TMEM232: variants seen among roughly 807,000 people sequenced by gnomAD.
TMEM232 encodes the protein transmembrane protein 232.
In TMEM232, 80 loss-of-function variants were observed where a neutral mutation model predicts 78.8. That is an observed-to-expected ratio of 1.01 (90% confidence interval 0.85 to 1.22). The LOEUF (loss-of-function observed/expected upper bound fraction) is 1.22, where lower values mean the gene tolerates loss of function less well. Among genes scored for constraint, TMEM232 ranks in the 50% most tolerant of loss-of-function variants. The pLI, the probability that TMEM232 is intolerant of heterozygous loss-of-function variation, is 0.00. For missense variants in TMEM232, 881 were observed against 742.2 expected, an observed-to-expected ratio of 1.19 and a Z score of -2.17; for synonymous variants, 297 against 254.3, an observed-to-expected ratio of 1.17 and a Z score of -1.60.
chr5:110,567,630 G>A (rs1490599895), intron 11 of TMEM232, among the ~76,000 whole-genome samples: 1 of 151,900 alleles, frequency 6.6e-6, no homozygotes, highest in African/African-American at 2.4e-5. Flanking sequence ...AGTCAAGCAG[G>A]CTGAGAGGAG....
chr5:110,695,395 A>T (rs1388274249), intron 1 of TMEM232, among the ~76,000 whole-genome samples: 4 of 152,248 alleles, frequency 2.6e-5, no homozygotes, highest in Non-Finnish European at 5.9e-5. Flanking sequence ...TAAAAGAACT[A>T]GAGGAGCAAG....
chr5:110,693,396 C>G (rs1248738122), intron 1 of TMEM232, among the ~76,000 whole-genome samples: 1 of 152,148 alleles, frequency 6.6e-6, no homozygotes, highest in Non-Finnish European at 1.5e-5. Flanking sequence ...AATCAGAGTG[C>G]CTCTCCTCCT....
At chr5:110,525,837 G>A (rs181031544) in intron 12 of TMEM232, among the ~76,000 whole-genome samples, 49 of 150,892 alleles carry the variant, frequency 3.2e-4, no homozygotes, top group African/African-American at 1.1e-3. Flanking sequence ...TAGGCTTATG[G>A]TTAGAATAGC....
chr5:110,714,659 T>C (rs886760737), intron 1 of TMEM232, among the ~76,000 whole-genome samples: 2 of 152,190 alleles, frequency 1.3e-5, no homozygotes, highest in African/African-American at 4.8e-5. Context: ...TTTTGACCAG[T>C]TTATATTTAG....
At chr5:110,390,140 C>T (rs1442377138) in intron 4 of TMEM232, among the ~76,000 whole-genome samples, 1 of 152,186 alleles carries the variant, frequency 6.6e-6, no homozygotes, top group Non-Finnish European at 1.5e-5. Context: ...CTAAACCACC[C>T]TCTTTCCCTC....
At chr5:110,610,230 A>AGGG (rs1561380927) in intron 8 of TMEM232, among the ~76,000 whole-genome samples, 1 of 6,058 alleles carries the variant, frequency 1.7e-4, no homozygotes, top group Admixed American at 2.8e-3. Context: ...GAGGGAGGGA[A>AGGG]AAAGAAAGGA....
intron 1 of TMEM232, among the ~76,000 whole-genome samples, chr5:110,690,973 G>A (rs907700833): frequency 1.6e-4 from 25 of 151,938 alleles, no homozygotes; most frequent in Non-Finnish European, 3.1e-4. Flanking sequence ...AGGGACTGTT[G>A]GGGGTGTGGG....
At chr5:110,430,022 T>C (rs1469599758) in intron 12 of TMEM232, 1 of 151,686 alleles carries the variant, frequency 6.6e-6, no homozygotes, top group East Asian at 1.9e-4. Flanking sequence ...CATGGAGCCT[T>C]GATTTCTTTT....
intron 1 of TMEM232, among the ~76,000 whole-genome samples, chr5:110,686,319 A>G (rs1314225456): frequency 6.6e-6 from 1 of 152,020 alleles, no homozygotes; most frequent in East Asian, 1.9e-4. Flanking sequence ...CCACCATGCT[A>G]TGAGAAGGCA....
upstream of TMEM232, chr5:110,738,386 T>C (rs573839165): frequency 3.7e-6 from 2 of 538,178 alleles, no homozygotes; most frequent in African/African-American, 4.2e-5. Flanking sequence ...ATAGTTTCTT[T>C]ACAGCCTTAG....
At chr5:110,485,249 G>C (rs552747826) in intron 12 of TMEM232, among the ~76,000 whole-genome samples, 1 of 152,068 alleles carries the variant, frequency 6.6e-6, no homozygotes, top group Non-Finnish European at 1.5e-5. Flanking sequence ...CCTACTAGGC[G>C]TAAGTAACAA....
At chr5:110,493,189 A>T (rs892896349) in intron 12 of TMEM232, among the ~76,000 whole-genome samples, 1 of 151,986 alleles carries the variant, frequency 6.6e-6, no homozygotes, top group African/African-American at 2.4e-5. Flanking sequence ...ATTTATTTTG[A>T]AATTTATAAT....
intron 12 of TMEM232, among the ~76,000 whole-genome samples, chr5:110,524,499 G>A (rs1303926618): frequency 6.6e-6 from 1 of 152,110 alleles, no homozygotes; most frequent in Non-Finnish European, 1.5e-5. Flanking sequence ...GAATGTTTTT[G>A]ATTGGAAGAT....
At chr5:110,429,664 T>C (rs937823677) in intron 12 of TMEM232, among the ~76,000 whole-genome samples, 3 of 151,778 alleles carry the variant, frequency 2.0e-5, no homozygotes, top group African/African-American at 7.2e-5. Flanking sequence ...GGGGAAGATA[T>C]TTTATCAATT....
At chr5:110,446,707 A>C (rs1759685584) in intron 12 of TMEM232, among the ~76,000 whole-genome samples, 1 of 152,124 alleles carries the variant, frequency 6.6e-6, no homozygotes, top group South Asian at 2.1e-4. Context: ...AAGTCTTGAC[A>C]GGCTGGCTTA....
At chr5:110,442,460 C>G (rs114164958) in intron 12 of TMEM232, among the ~76,000 whole-genome samples, 2 of 151,882 alleles carry the variant, frequency 1.3e-5, no homozygotes, top group Non-Finnish European at 2.9e-5. Context: ...AGAATCTCTG[C>G]TTGATTTAAA....
intron 1 of TMEM232, among the ~76,000 whole-genome samples, chr5:110,699,507 T>C (rs528485223): frequency 6.6e-6 from 1 of 152,156 alleles, no homozygotes; most frequent in Admixed American, 6.6e-5. Context: ...CTGGTTTACT[T>C]ATGGGCACAA....
At chr5:110,455,728 T>C (rs184000794) in intron 12 of TMEM232, among the ~76,000 whole-genome samples, 74 of 152,220 alleles carry the variant, frequency 4.9e-4, no homozygotes, top group African/African-American at 1.6e-3. Context: ...AATCTACTAA[T>C]ATATTAACAC....
At chr5:110,423,991 T>C (rs920077740) in intron 13 of TMEM232, among the ~76,000 whole-genome samples, 5 of 152,144 alleles carry the variant, frequency 3.3e-5, no homozygotes, top group Admixed American at 1.3e-4. Flanking sequence ...AATAGAATAT[T>C]GCAGCTCTCG....
Sources: allele counts gnomAD v4.1 joint callset (sites outside exome capture counted in the v4.1 genomes callset), GRCh38; gene constraint gnomAD v4.1.1; transcripts MANE v1.5; gene names NCBI Gene and HGNC (gene_info 2026-07-23, HGNC 2026-07-21).